The following BOP1 variants were observed in gnomAD, a reference collection of about 807,000 sequenced individuals.
The protein encoded by BOP1 is ribosome biogenesis protein BOP1.
Under a neutral mutation model 82.9 loss-of-function variants are expected in BOP1, and 54 were observed. The ratio of observed to expected loss-of-function variants is 0.65; its 90% confidence interval spans 0.52 to 0.82. BOP1 has a LOEUF of 0.82. Ranked by LOEUF, BOP1 falls within the 40% of genes least tolerant of loss-of-function variation. The probability of loss-of-function intolerance (pLI) is 0.00; values close to 1 mark genes in which losing one functional copy is unlikely to be tolerated. For missense variants in BOP1, 1,170 were observed against 1,072.0 expected, an observed-to-expected ratio of 1.09 and a Z score of -1.28; for synonymous variants, 566 against 451.1, an observed-to-expected ratio of 1.25 and a Z score of -3.23.
intron 3 of BOP1, among the ~76,000 whole-genome samples, chr8:144,269,806 CT>C (rs1310687458): frequency 8.0e-4 from 122 of 152,312 alleles, no homozygotes; most frequent in African/African-American, 2.8e-3. Flanking sequence ...TTCTTGGGAG[CT>C]TTCCTCACAC....
rs1479611236 is a variant in BOP1, at chr8:144,291,317, C to T, written c.54G>A (p.Glu18=). Residue 18 remains glutamate, a synonymous_variant, in exon 1 of 16, where the codon GAG becomes GAA. Transcript: ENST00000569669. The surrounding 1 kb of genome is among the most constrained non-coding windows in gnomAD (Gnocchi z 4.1). ...GRTAAPSVRP[E]KRRSEPELEP... ...CCAGTTCGGGCTCAGACCGCCGCTT[C>T]TCCGGCCGCACGCTCGGCGCCGCCG... is the stretch of plus-strand genomic sequence containing the variant. 1.4e-6 allele frequency: 2 copies of T among 1,439,506 alleles called. No individual in the cohort carries two copies. The highest frequency in any genetic ancestry group is 1.5e-5 in the African/African-American group (1 of 67,190). 89.2% of individuals were successfully genotyped at this position (1,439,506 alleles called of 1,614,324 possible).
At chr8:144,269,549 T>A (rs2130221048) in intron 3 of BOP1, among the ~76,000 whole-genome samples, 1 of 152,286 alleles carries the variant, frequency 6.6e-6, no homozygotes, top group South Asian at 2.1e-4. Flanking sequence ...CCAGAGCCAT[T>A]AAGGGCTAGA....
intron 3 of BOP1, chr8:144,265,453 C>CG (rs1483116838): frequency 9.3e-6 from 3 of 320,950 alleles, no homozygotes; most frequent in African/African-American, 6.4e-5. Flanking sequence ...AGCTATAAGA[C>CG]GGGGACTCGG....
chr8:144,265,174 C>G (rs2130201761), intron 3 of BOP1, 103 bp from the exon 4 acceptor site: 1 of 1,379,962 alleles, frequency 7.2e-7, no homozygotes, highest in East Asian at 2.3e-5. Flanking sequence ...GGAGTGCAGG[C>G]CCAGCCTCAA....
At chr8:144,273,055 G>A (rs940106621) in intron 3 of BOP1, among the ~76,000 whole-genome samples, 5 of 152,098 alleles carry the variant, frequency 3.3e-5, no homozygotes, top group African/African-American at 1.2e-4. Context: ...CTGCAGGCCC[G>A]GGCGCCCTCC....
At chr8:144,275,093 A>G (rs1845548331) in intron 3 of BOP1, among the ~76,000 whole-genome samples, 1 of 151,022 alleles carries the variant, frequency 6.6e-6, no homozygotes. Flanking sequence ...GAGCCGAAGG[A>G]TGGGGGAAGA....
chr8:144,262,374 G>T, intron 15 of BOP1, 22 bp downstream of exon 15: 1 of 1,612,532 alleles, frequency 6.2e-7, no homozygotes, highest in Non-Finnish European at 8.5e-7. Flanking sequence ...TGGGGAGGGG[G>T]CCAGGCAGGG....
intron 1 of BOP1, 45 bp from the exon 2 acceptor site, chr8:144,289,349 G>T: frequency 6.3e-7 from 1 of 1,591,454 alleles, no homozygotes; most frequent in Non-Finnish European, 8.6e-7. Flanking sequence ...CTCCAGGCAT[G>T]GGGCACTGAA....
Position 144,264,205 on chromosome 8 carries a change from C to A in BOP1, c.978+20G>T. ...GGGAAGCATGGGGACAGGGTCCCGG[C>A]CCCCAGGATGCAGGCCCACCTCCTC... On this transcript the variant is annotated intron_variant, in intron 7 of 15. Coordinates refer to ENST00000569669, the MANE Select transcript of BOP1 (RefSeq NM_015201.5). 4 of 1,606,858 alleles carry A rather than the reference C, an allele frequency of 2.5e-6. No individual in the cohort carries two copies. The highest frequency in any genetic ancestry group is 4.5e-5 in the East Asian group (2 of 44,698).
intron 2 of BOP1, among the ~76,000 whole-genome samples, chr8:144,283,418 G>C (rs1008844397): frequency 2.6e-5 from 4 of 152,162 alleles, no homozygotes; most frequent in Non-Finnish European, 4.4e-5. Flanking sequence ...GCCGCCACAG[G>C]GAAGAGACAG....
intron 2 of BOP1, among the ~76,000 whole-genome samples, chr8:144,287,078 C>T (rs1338656808): frequency 6.6e-6 from 1 of 150,638 alleles, no homozygotes. Flanking sequence ...GGTGAGATCT[C>T]GGCTCACTGC....
In BOP1 at chr8:144,289,246, G is replaced by T; in HGVS notation, c.158C>A (p.Ser53Tyr). ...SHSTGSDSGVSDSEESVFSGL... is the reference protein window; with the variant it reads ...SHSTGSDSGVYDSEESVFSGL... ...TGAGAACACACTTTCCTCGCTGTCG[G>T]AGACGCCAGAATCGCTGCCGGTGCT... is the stretch of plus-strand genomic sequence containing the variant. Residue 53 changes from serine (S) to tyrosine (Y), a missense_variant, in exon 2 of 16, where the codon TCC becomes TAC. Ser to Tyr is a moderately radical substitution (Grantham distance 144). Coordinates refer to ENST00000569669, the MANE Select transcript of BOP1 (RefSeq NM_015201.5). 1 of 1,614,070 alleles carries T rather than the reference G, an allele frequency of 6.2e-7. No homozygotes were observed. Among genetic ancestry groups the T allele is most frequent in the South Asian group, 1.1e-5 (1 of 91,088 alleles).
chr8:144,270,876 G>A (rs1021979200), intron 3 of BOP1, among the ~76,000 whole-genome samples: 14 of 152,086 alleles, frequency 9.2e-5, no homozygotes, highest in South Asian at 2.1e-4. Flanking sequence ...GCCAGCAGCC[G>A]CCCCTGCGAG....
At chr8:144,286,183 C>A (rs142959705) in intron 2 of BOP1, among the ~76,000 whole-genome samples, 3 of 152,350 alleles carry the variant, frequency 2.0e-5, no homozygotes, top group Non-Finnish European at 4.4e-5. Flanking sequence ...CACTAAGAAG[C>A]TGAAAGCACC....
At chr8:144,268,568 T>C (rs1373506039) in intron 3 of BOP1, 1 of 247,440 alleles carries the variant, frequency 4.0e-6, no homozygotes, top group African/African-American at 2.3e-5. Context: ...GGTGGTCCCA[T>C]CCTCCTTGGG....
At chr8:144,279,437 C>T (rs1554838678) in intron 2 of BOP1, among the ~76,000 whole-genome samples, 1 of 152,172 alleles carries the variant, frequency 6.6e-6, no homozygotes, top group African/African-American at 2.4e-5. Flanking sequence ...AGGACCACCA[C>T]AGACCAGAGA....
At chr8:144,277,554 A>G (rs1477257599) in intron 2 of BOP1, among the ~76,000 whole-genome samples, 1 of 152,252 alleles carries the variant, frequency 6.6e-6, no homozygotes, top group African/African-American at 2.4e-5. Flanking sequence ...CTCGCTGCTC[A>G]TGGGCCGCAG....
chr8:144,266,491 G>A (rs1373399859), intron 3 of BOP1: 10 of 986,562 alleles, frequency 1.0e-5, no homozygotes, highest in South Asian at 4.6e-5. Flanking sequence ...CCCGGCAGCT[G>A]CCACCGCGGG....
chr8:144,275,503 T>G (rs1490693278), intron 3 of BOP1, among the ~76,000 whole-genome samples: 1 of 149,456 alleles, frequency 6.7e-6, no homozygotes, highest in Non-Finnish European at 1.5e-5. Context: ...CTCTCCACGC[T>G]GGCGGAGCCC....
Sources: gnomAD v4.1 joint callset for allele counts (sites outside exome capture counted in the v4.1 genomes callset) on GRCh38, gnomAD v4.1.1 for gene constraint, Gnocchi (gnomAD v3.1) non-coding constraint, MANE v1.5 for transcripts, NCBI Gene and HGNC (gene_info 2026-07-23, HGNC 2026-07-21) for gene names.